The following PTPRE variants were observed in gnomAD, a reference collection of about 807,000 sequenced individuals.
PTPRE encodes receptor-type tyrosine-protein phosphatase epsilon.
PTPRE carries 51 observed loss-of-function variants against 102.0 expected under a neutral mutation model. That is an observed-to-expected ratio of 0.50 (90% CI 0.40 to 0.63). The LOEUF (loss-of-function observed/expected upper bound fraction) is 0.63. PTPRE is among the 30% of genes least tolerant of loss of function. The pLI is 0.00. For missense variants in PTPRE, 752 were observed against 915.1 expected, an observed-to-expected ratio of 0.82 and a Z score of 2.30; for synonymous variants, 345 against 348.2, an observed-to-expected ratio of 0.99 and a Z score of 0.10.
intron 2 of PTPRE, among the ~76,000 whole-genome samples, chr10:127,997,621 A>G (rs975575851): frequency 6.6e-6 from 1 of 152,236 alleles, no homozygotes; most frequent in Non-Finnish European, 1.5e-5. Flanking sequence ...GGCTATGTGT[A>G]CTAGTTACAA....
At chr10:128,025,209 A>T (rs1846208690) in intron 2 of PTPRE, among the ~76,000 whole-genome samples, 3 of 151,074 alleles carry the variant, frequency 2.0e-5, no homozygotes, top group Admixed American at 1.3e-4. Flanking sequence ...GAAATGAATT[A>T]TGAAGCATTG....
chr10:127,998,782 T>C (rs1419098378), intron 2 of PTPRE: 15 of 152,128 alleles, frequency 9.9e-5, no homozygotes, highest in Admixed American at 9.8e-4. Flanking sequence ...CACTTCTTTA[T>C]GAAGTCGCCG....
At chr10:127,989,180 C>CTA (rs1158612253) in intron 2 of PTPRE, among the ~76,000 whole-genome samples, 1 of 151,642 alleles carries the variant, frequency 6.6e-6, no homozygotes, top group African/African-American at 2.4e-5. Flanking sequence ...CTTCTTAAAG[C>CTA]TATATATATT....
chr10:128,032,894 A>G (rs1479006048), intron 2 of PTPRE, among the ~76,000 whole-genome samples: 1 of 152,246 alleles, frequency 6.6e-6, no homozygotes, highest in Admixed American at 6.5e-5. Flanking sequence ...ATTATGTTTC[A>G]ATAGAACTTT....
intron 1 of PTPRE, among the ~76,000 whole-genome samples, chr10:127,962,615 A>C (rs1849912610): frequency 6.6e-6 from 1 of 152,198 alleles, no homozygotes; most frequent in South Asian, 2.1e-4. Flanking sequence ...CAGAGGCCTC[A>C]ATGAAGCCGA....
intron 2 of PTPRE, among the ~76,000 whole-genome samples, chr10:128,039,316 C>T (rs752074594): frequency 8.5e-5 from 13 of 152,148 alleles, no homozygotes; most frequent in Non-Finnish European, 1.5e-4. Context: ...TCCAGCCTGA[C>T]TTTGGGCCAG....
intron 11 of PTPRE, among the ~76,000 whole-genome samples, chr10:128,067,158 A>G (rs1266675354): frequency 1.4e-5 from 2 of 147,920 alleles, no homozygotes; most frequent in Non-Finnish European, 3.0e-5. Context: ...CACACACCCC[A>G]CTCACATGCA....
intron 3 of PTPRE, among the ~76,000 whole-genome samples, chr10:128,046,328 C>G (rs1485345612): frequency 6.6e-6 from 1 of 152,192 alleles, no homozygotes; most frequent in East Asian, 1.9e-4. Context: ...GAGGCCGTGC[C>G]AGCCCTCAGG....
In PTPRE at chr10:128,055,725, C is replaced by T. The variant is rs562131053; in HGVS notation, c.421-398C>T. On this transcript the variant is annotated intron_variant, in intron 6 of 20. Coordinates refer to ENST00000254667, the MANE Select transcript of PTPRE (RefSeq NM_006504.6). ...GCTGTAAACCCTCCGCATGCCTGTC[C>T]TCGCTCCCCCATCTCCCGGTTCACA... is the stretch of plus-strand genomic sequence containing the variant. 4.6e-5 allele frequency among the ~76,000 whole-genome samples: 7 copies of T among 152,330 alleles called. No homozygotes were observed. In the South Asian group the frequency reaches 1.5e-3, roughly 32 times the overall value.
At chr10:127,920,043 T>C (rs1349595240) in intron 1 of PTPRE, among the ~76,000 whole-genome samples, 1 of 152,210 alleles carries the variant, frequency 6.6e-6, no homozygotes, top group Non-Finnish European at 1.5e-5. Flanking sequence ...TGTCCATTTT[T>C]AGCCCTAGCA....
intron 1 of PTPRE, among the ~76,000 whole-genome samples, chr10:127,959,244 G>T (rs1314886198): frequency 6.6e-6 from 1 of 152,174 alleles, no homozygotes; most frequent in Non-Finnish European, 1.5e-5. Context: ...TTAACAACAA[G>T]TTGGGACTTG....
chr10:127,942,774 G>GA (rs1163042073), intron 1 of PTPRE, among the ~76,000 whole-genome samples: 1 of 152,190 alleles, frequency 6.6e-6, no homozygotes, highest in Non-Finnish European at 1.5e-5. Context: ...GGAAGAGGAA[G>GA]AAGTACTGGG....
intron 16 of PTPRE, chr10:128,072,459 C>T (rs1850856276): frequency 8.0e-6 from 3 of 372,678 alleles, no homozygotes; most frequent in Non-Finnish European, 1.4e-5. Flanking sequence ...TTGAAACTAG[C>T]CTGGCCAATA....
At chr10:127,939,450 GA>G (rs1302662494) in intron 1 of PTPRE, among the ~76,000 whole-genome samples, 1 of 152,104 alleles carries the variant, frequency 6.6e-6, no homozygotes, top group African/African-American at 2.4e-5. Context: ...AGTTATTCCA[GA>G]ATAAAAACAA....
chr10:128,010,677 C>T (rs980779963), intron 2 of PTPRE, among the ~76,000 whole-genome samples: 28 of 151,978 alleles, frequency 1.8e-4, no homozygotes, highest in African/African-American at 6.5e-4. Context: ...CTACAAGCTC[C>T]GCCTCCCGGG....
rs1239009143 is a variant in PTPRE, at chr10:128,049,591, C to T, written c.345C>T (p.Ile115=). 6.2e-7 allele frequency: 1 copy of T among 1,614,034 alleles called. No individual in the cohort carries two copies. The highest frequency in any genetic ancestry group is 8.5e-7 in the Non-Finnish European group (1 of 1,180,010). The part of the protein sequence containing the change: ...SPSGPKKYFP[I]PVEHLEEEIR... ...CAGGGCCCAAGAAGTATTTTCCCAT[C>T]CCCGTGGAGCACCTGGAGGAGGAGA... is the stretch of plus-strand genomic sequence containing the variant. Residue 115 remains isoleucine (I), a synonymous_variant, in exon 6 of 21, where the codon ATC becomes ATT. Transcript: ENST00000254667.
At chr10:127,913,279 G>A (rs1463212831) in intron 1 of PTPRE, among the ~76,000 whole-genome samples, 2 of 152,206 alleles carry the variant, frequency 1.3e-5, no homozygotes, top group Admixed American at 1.3e-4. Flanking sequence ...TGCCACAGTC[G>A]CTTTGTCCTC....
At chr10:127,935,050 G>A (rs954854741) in intron 1 of PTPRE, among the ~76,000 whole-genome samples, 4 of 152,162 alleles carry the variant, frequency 2.6e-5, no homozygotes, top group African/African-American at 9.7e-5. Flanking sequence ...CTTAGCAGGT[G>A]CTCCCATCTG....
chr10:128,036,262 A>G (rs375016659), intron 2 of PTPRE, among the ~76,000 whole-genome samples: 1 of 151,720 alleles, frequency 6.6e-6, no homozygotes, highest in Non-Finnish European at 1.5e-5. Flanking sequence ...TTCCTCCCCA[A>G]TAACCCCCAC....
Sources: gnomAD v4.1 joint callset for allele counts (sites outside exome capture counted in the v4.1 genomes callset) on GRCh38, gnomAD v4.1.1 for gene constraint, MANE v1.5 for transcripts, NCBI Gene and HGNC (gene_info 2026-07-23, HGNC 2026-07-21) for gene names.